Variants in SEZ6L observed in about 807,000 individuals in gnomAD.
The protein encoded by SEZ6L is seizure related 6 homolog like, also known as seizure 6-like protein.
Under a neutral mutation model 106.2 loss-of-function variants are expected in SEZ6L, and 37 were observed. The ratio of observed to expected loss-of-function variants is 0.35; its 90% confidence interval spans 0.27 to 0.46. The LOEUF (loss-of-function observed/expected upper bound fraction) is 0.46, where lower values mean the gene tolerates loss of function less well. Among genes scored for constraint, SEZ6L ranks in the 20% least tolerant of loss-of-function variants. The pLI is 1.00. For synonymous variants in SEZ6L, 541 were observed against 570.4 expected (o/e 0.95, Z 0.73); for missense variants, 1,172 against 1,332.8 (o/e 0.88, Z 1.88).
At chr22:26,331,847 G>C (rs1439041081) in intron 9 of SEZ6L, among the ~76,000 whole-genome samples, 2 of 152,086 alleles carry the variant, frequency 1.3e-5, no homozygotes, top group Non-Finnish European at 2.9e-5. Context: ...GCCAGGCATG[G>C]TGGCACGTGC....
intron 1 of SEZ6L, among the ~76,000 whole-genome samples, chr22:26,246,965 A>G (rs2079373965): frequency 6.6e-6 from 1 of 152,222 alleles, no homozygotes; most frequent in Non-Finnish European, 1.5e-5. Flanking sequence ...TCATTCTCAC[A>G]GTGCTGAGTG....
rs1939363614 is a variant in SEZ6L, at chr22:26,181,127, T to C, written c.94+11364T>C. Among the ~76,000 whole-genome samples the C allele has an allele frequency of 2.0e-5, 3 of 152,236 alleles. No homozygotes were observed. The South Asian group carries it at 6.2e-4, about 31-fold the overall frequency. On this transcript the variant is annotated intron_variant, in intron 1 of 16. Transcript: ENST00000248933. ...GAGAGAATGCAATGCATGTCACTAC[T>C]ATCCTGCACAACTCCAGAGGGAGCT... is the stretch of plus-strand genomic sequence containing the variant.
At chr22:26,284,604 C>CAAAAAAAAAAAAAAAAAAAAAAAA (rs137198) in intron 1 of SEZ6L, among the ~76,000 whole-genome samples, 1 of 64,022 alleles carries the variant, frequency 1.6e-5, no homozygotes. Flanking sequence ...ATCAGGACTC[C>CAAAAAAAAAAAAAAAAAAAAAAAA]AAAAAAAAAA....
Position 26,365,525 on chromosome 22 carries a change from G to A in SEZ6L, c.2753G>A (p.Gly918Glu). The change falls in exon 13 of 17, where the codon GGA becomes GAA. Residue 918 changes from glycine (G) to glutamate (E), a missense_variant. By Grantham distance (98) the Gly-to-Glu change is moderately conservative. Coordinates refer to ENST00000248933, the MANE Select transcript of SEZ6L (RefSeq NM_021115.5). The stretch of plus-strand genomic sequence containing the variant: ...GAAGTGACCATCCGCTGCATCCTGG[G>A]ACAGCCATCCCACTGGAACGGGCCC... ...MGEVTIRCIL[G>E]QPSHWNGPLP... 1 of 1,614,086 alleles carries A rather than the reference G, an allele frequency of 6.2e-7. No individual in the cohort carries two copies. Among genetic ancestry groups the A allele is most frequent in the Non-Finnish European group, 8.5e-7 (1 of 1,179,982 alleles).
intron 1 of SEZ6L, among the ~76,000 whole-genome samples, chr22:26,238,368 A>C (rs1186318040): frequency 6.6e-6 from 1 of 152,236 alleles, no homozygotes; most frequent in Non-Finnish European, 1.5e-5. Flanking sequence ...TTCCATCTGG[A>C]AGAAGACAAA....
At chr22:26,174,874 T>G (rs1938871610) in intron 1 of SEZ6L, among the ~76,000 whole-genome samples, 1 of 152,224 alleles carries the variant, frequency 6.6e-6, no homozygotes. Flanking sequence ...GTGCCAAGCC[T>G]TATAATAAGT....
chr22:26,336,384 G>T (rs150108381), intron 9 of SEZ6L, among the ~76,000 whole-genome samples: 1 of 152,218 alleles, frequency 6.6e-6, no homozygotes, highest in Non-Finnish European at 1.5e-5. Context: ...TCCCCTCTTC[G>T]TTGAGTCCTT....
At chr22:26,325,161 T>G (rs948427845) in intron 9 of SEZ6L, among the ~76,000 whole-genome samples, 1 of 152,214 alleles carries the variant, frequency 6.6e-6, no homozygotes, top group African/African-American at 2.4e-5. Flanking sequence ...CAAGGCCTCT[T>G]GAGCCCACAC....
rs973806219 is a variant in SEZ6L at position 26,352,764 on chromosome 22, T to C, written c.2599+1521T>C. The stretch of plus-strand genomic sequence containing the variant: ...GCGCATGCATTAACTCTTTGATTCC[T>C]GGCAGGAAAACAAAAATGGAGATGT... On this transcript the variant is annotated intron_variant, in intron 12 of 16. Coordinates refer to ENST00000248933, the MANE Select transcript of SEZ6L (RefSeq NM_021115.5). Among the ~76,000 whole-genome samples, 5 of 152,226 alleles carry C rather than the reference T, an allele frequency of 3.3e-5. No homozygotes were observed. The East Asian group carries it at 9.6e-4, about 29-fold the overall frequency.
At chr22:26,248,703 CAG>C (rs1569418230) in intron 1 of SEZ6L, among the ~76,000 whole-genome samples, 1 of 152,204 alleles carries the variant, frequency 6.6e-6, no homozygotes, top group Non-Finnish European at 1.5e-5. Flanking sequence ...AGCAAGGAGA[CAG>C]AATGGTTAAG....
chr22:26,253,499 A>G (rs1168221423), intron 1 of SEZ6L, among the ~76,000 whole-genome samples: 1 of 152,184 alleles, frequency 6.6e-6, no homozygotes, highest in Admixed American at 6.5e-5. Context: ...TCCTAGAAGA[A>G]AAGATATCAG....
At chr22:26,346,807 G>C (rs957510047) in intron 10 of SEZ6L, among the ~76,000 whole-genome samples, 1 of 152,168 alleles carries the variant, frequency 6.6e-6, no homozygotes, top group Non-Finnish European at 1.5e-5. Flanking sequence ...TAGAGAGCAA[G>C]AAGAGAAACT....
intron 14 of SEZ6L, 144 bp downstream of exon 14, chr22:26,373,627 A>C: frequency 1.4e-6 from 1 of 713,224 alleles, no homozygotes; most frequent in Non-Finnish European, 2.3e-6. Context: ...TCTTAAAATA[A>C]TATTGTAGGG....
intron 15 of SEZ6L, among the ~76,000 whole-genome samples, chr22:26,376,825 A>G (rs9613167): frequency 0.49 from 74,998 of 152,106 alleles, 19,778 homozygotes; most frequent in East Asian, 0.94. Context: ...AAAGGTCCTG[A>G]GGCAGGAACG....
chr22:26,186,438 G>A (rs572034429), intron 1 of SEZ6L, among the ~76,000 whole-genome samples: 2 of 152,182 alleles, frequency 1.3e-5, no homozygotes, highest in Admixed American at 6.5e-5. Context: ...GGGAGATTGG[G>A]CTAACTCCAA....
intron 1 of SEZ6L, among the ~76,000 whole-genome samples, chr22:26,272,467 T>C (rs1364324148): frequency 6.6e-6 from 1 of 152,220 alleles, no homozygotes. Context: ...TTATCACCAC[T>C]GGGCCAGGCT....
chr22:26,188,033 C>T (rs1024627781), intron 1 of SEZ6L, among the ~76,000 whole-genome samples: 2 of 152,110 alleles, frequency 1.3e-5, no homozygotes, highest in African/African-American at 4.8e-5. Context: ...TCATTACTGA[C>T]CTAACTTGGA....
chr22:26,253,422 G>A, intron 1 of SEZ6L, among the ~76,000 whole-genome samples: 1 of 148,952 alleles, frequency 6.7e-6, no homozygotes, highest in South Asian at 2.2e-4. Flanking sequence ...CCCTTATTTA[G>A]GCTGTTCCTT....
chr22:26,213,946 A>T (rs751568408), intron 1 of SEZ6L, among the ~76,000 whole-genome samples: 8 of 152,200 alleles, frequency 5.3e-5, no homozygotes. Context: ...AGAAAGAAAG[A>T]TCTTGAGCAA....
Sources: allele counts gnomAD v4.1 joint callset (sites outside exome capture counted in the v4.1 genomes callset), GRCh38; gene constraint gnomAD v4.1.1; transcripts MANE v1.5; gene names NCBI Gene and HGNC (gene_info 2026-07-23, HGNC 2026-07-21).